ARHGAP15: variants seen among roughly 807,000 people sequenced by gnomAD.
The protein encoded by ARHGAP15 is Rho GTPase activating protein 15.
ARHGAP15 carries 51 observed loss-of-function variants against 63.7 expected under a neutral mutation model. That is an observed-to-expected ratio of 0.80 (90% CI 0.64 to 1.01). The LOEUF is 1.01. Among genes scored for constraint, ARHGAP15 ranks in the 50% least tolerant of loss-of-function variants. The pLI, the probability that ARHGAP15 is intolerant of heterozygous loss-of-function variation, is 0.00. For missense variants in ARHGAP15, 560 were observed against 564.6 expected (o/e 0.99, Z 0.08); for synonymous variants, 191 against 193.8 (o/e 0.99, Z 0.12).
At chr2:143,531,801 A>G (rs1407433970) in intron 10 of ARHGAP15, among the ~76,000 whole-genome samples, 1 of 152,232 alleles carries the variant, frequency 6.6e-6, no homozygotes, top group Middle Eastern at 3.2e-3. Context: ...AAAATTGTAC[A>G]TTAATTACTA....
intron 9 of ARHGAP15, among the ~76,000 whole-genome samples, chr2:143,506,663 T>C (rs1693338327): frequency 2.0e-5 from 3 of 152,188 alleles, no homozygotes; most frequent in Admixed American, 6.5e-5. Flanking sequence ...CAATCCACAA[T>C]GTACGTCAAC....
At chr2:143,377,559 A>AT (rs889614275) in intron 6 of ARHGAP15, among the ~76,000 whole-genome samples, 39 of 151,330 alleles carry the variant, frequency 2.6e-4, no homozygotes, top group African/African-American at 8.2e-4. Flanking sequence ...TTTGTTTCCT[A>AT]TTTTTTTTCA....
chr2:143,591,306 A>C (rs1196181171), intron 11 of ARHGAP15, among the ~76,000 whole-genome samples: 1 of 152,142 alleles, frequency 6.6e-6, no homozygotes, highest in Non-Finnish European at 1.5e-5. Flanking sequence ...ATATGCATTA[A>C]ATATAATATT....
In ARHGAP15 at chr2:143,368,278, C is replaced by G. The variant is rs78251675; in HGVS notation, c.475-67323C>G. 5.3e-3 allele frequency among the ~76,000 whole-genome samples: 799 copies of G among 152,070 alleles called. 5 individuals carry two copies. Among genetic ancestry groups the G allele is most frequent in the Non-Finnish European group, 9.0e-3 (614 of 67,896 alleles). On this transcript the variant is annotated intron_variant, in intron 6 of 13. Coordinates refer to ENST00000295095, the MANE Select transcript of ARHGAP15 (RefSeq NM_018460.4). ...TGGAGTAAAGAAATATGAAGAGCGT[C>G]TTAGACGACTTTCTAGAGCAAATAA... is the stretch of plus-strand genomic sequence containing the variant.
At chr2:143,626,475 G>A (rs915178850) in intron 12 of ARHGAP15, among the ~76,000 whole-genome samples, 6 of 152,118 alleles carry the variant, frequency 3.9e-5, no homozygotes, top group African/African-American at 1.4e-4. Flanking sequence ...CTTTAAGATG[G>A]CACAGACCCA....
At chr2:143,155,013 C>A (rs1690022196) in intron 1 of ARHGAP15, among the ~76,000 whole-genome samples, 1 of 151,886 alleles carries the variant, frequency 6.6e-6, no homozygotes, top group Middle Eastern at 3.4e-3. Context: ...GCTCTGACAC[C>A]AATTTTACTC....
At chr2:143,622,781 TAAAAAAAAAAAAA>T (rs34925907) in intron 11 of ARHGAP15, among the ~76,000 whole-genome samples, 4 of 109,040 alleles carry the variant, frequency 3.7e-5, no homozygotes, top group African/African-American at 1.4e-4. Context: ...TTCATTTATT[TAAAAAAAAAAAAA>T]AAAAAAAAAA....
chr2:143,487,575 A>G (rs939196386), intron 9 of ARHGAP15, 80 bp downstream of exon 9: 76 of 1,397,874 alleles, frequency 5.4e-5, no homozygotes, highest in Non-Finnish European at 6.7e-5. Flanking sequence ...GCTCTAAAGG[A>G]ATATTAGAAT....
At chr2:143,136,349 C>G (rs141782851) in intron 1 of ARHGAP15, among the ~76,000 whole-genome samples, 212 of 151,172 alleles carry the variant, frequency 1.4e-3, no homozygotes, top group African/African-American at 5.1e-3. Context: ...GTTGTCAATA[C>G]AATGACTTTT....
intron 6 of ARHGAP15, among the ~76,000 whole-genome samples, chr2:143,307,978 T>C (rs1478754754): frequency 6.6e-6 from 1 of 152,122 alleles, no homozygotes; most frequent in Non-Finnish European, 1.5e-5. Flanking sequence ...TTTATACCTT[T>C]CTTGATGAAA....
At chr2:143,130,480 G>A (rs1688877201) in intron 1 of ARHGAP15, among the ~76,000 whole-genome samples, 2 of 151,970 alleles carry the variant, frequency 1.3e-5, no homozygotes, top group Admixed American at 1.3e-4. Context: ...AGAAGTGATG[G>A]CCCCCACAAC....
intron 9 of ARHGAP15, among the ~76,000 whole-genome samples, chr2:143,503,837 G>A (rs1693182247): frequency 6.6e-6 from 1 of 152,136 alleles, no homozygotes; most frequent in South Asian, 2.1e-4. Context: ...CTACTGACAT[G>A]TATTCTCTGA....
intron 12 of ARHGAP15, among the ~76,000 whole-genome samples, chr2:143,690,824 G>C (rs145337850): frequency 3.9e-5 from 6 of 152,114 alleles, no homozygotes; most frequent in African/African-American, 9.6e-5. Flanking sequence ...TTTTTTGGCA[G>C]ACAGCTAAAA....
chr2:143,464,812 A>G (rs952882460), intron 8 of ARHGAP15, among the ~76,000 whole-genome samples: 2 of 152,130 alleles, frequency 1.3e-5, no homozygotes, highest in African/African-American at 2.4e-5. Context: ...TTAAAATTCT[A>G]TCACTATTCT....
At chr2:143,535,690 T>A (rs1694723956) in intron 10 of ARHGAP15, among the ~76,000 whole-genome samples, 1 of 152,236 alleles carries the variant, frequency 6.6e-6, no homozygotes, top group Non-Finnish European at 1.5e-5. Context: ...ACTGCCTGAT[T>A]ATGGATTTCC....
At chr2:143,627,638 G>A (rs551634154) in intron 12 of ARHGAP15, among the ~76,000 whole-genome samples, 60 of 152,164 alleles carry the variant, frequency 3.9e-4, no homozygotes, top group Non-Finnish European at 7.2e-4. Flanking sequence ...ATCCACTCGC[G>A]AGTTTTCGGC....
intron 3 of ARHGAP15, among the ~76,000 whole-genome samples, chr2:143,203,640 G>T (rs538410136): frequency 4.4e-4 from 67 of 152,124 alleles, no homozygotes; most frequent in Middle Eastern, 3.4e-3. Flanking sequence ...TTATTAAAAA[G>T]AAACATTTTC....
rs73962340 is a variant in ARHGAP15, at chr2:143,134,284, T to C, written c.-15+4818T>C. 8.4e-3 allele frequency among the ~76,000 whole-genome samples: 1,282 copies of C among 152,338 alleles called. 19 individuals carry two copies. The highest frequency in any genetic ancestry group is 0.03 in the African/African-American group (1,239 of 41,574). On this transcript the variant is annotated intron_variant, in intron 1 of 13. Coordinates refer to ENST00000295095, the MANE Select transcript of ARHGAP15 (RefSeq NM_018460.4). ...ATAGTTGTTGCCAAACTATCCTTCA[T>C]GTTATTTGTAACTTTTTGAACTTCC... is the stretch of plus-strand genomic sequence containing the variant.
intron 10 of ARHGAP15, chr2:143,521,855 T>C (rs767711201): frequency 1.6e-4 from 24 of 152,150 alleles, no homozygotes; most frequent in Non-Finnish European, 3.2e-4. Flanking sequence ...ATCTCTAAAA[T>C]GCTTATTAGA....
Sources: gnomAD v4.1 joint callset for allele counts (sites outside exome capture counted in the v4.1 genomes callset) on GRCh38, gnomAD v4.1.1 for gene constraint, MANE v1.5 for transcripts, NCBI Gene and HGNC (gene_info 2026-07-23, HGNC 2026-07-21) for gene names.